LRRC42: variants seen among roughly 807,000 people sequenced by gnomAD.
LRRC42 encodes leucine-rich repeat-containing protein 42.
In LRRC42, 43 loss-of-function variants were observed where a neutral mutation model predicts 44.3. The observed-to-expected ratio is 0.97, with a 90% CI of 0.76 to 1.25. The LOEUF (loss-of-function observed/expected upper bound fraction) is 1.25. Among genes scored for constraint, LRRC42 ranks in the 50% most tolerant of loss-of-function variants. The probability of loss-of-function intolerance (pLI) is 0.00; values close to 1 mark genes in which losing one functional copy is unlikely to be tolerated. For missense variants in LRRC42, 540 were observed against 509.1 expected, an observed-to-expected ratio of 1.06 and a Z score of -0.58; for synonymous variants, 207 against 195.2, an observed-to-expected ratio of 1.06 and a Z score of -0.50.
rs1655010883 is a variant in LRRC42, at chr1:53,962,112, C to T, written c.803C>T (p.Thr268Ile). 6.2e-7 allele frequency: 1 copy of T among 1,612,964 alleles called. No homozygotes were observed. Among genetic ancestry groups the T allele is most frequent in the African/African-American group, 1.3e-5 (1 of 75,002 alleles). Residue 268 changes from threonine (T) to isoleucine (I), a missense_variant, in exon 6 of 9, where the codon ACA becomes ATA. Transcript: ENST00000371370. Reference protein sequence around the residue: ...RKLNCLDISGTGLKDIKTVKH... With the variant: ...RKLNCLDISGIGLKDIKTVKH... ...CTAAACTGCTTAGATATCTCTGGGA[C>T]AGGGCTCAAGGTAAGACTTTTGGTT...
intron 3 of LRRC42, among the ~76,000 whole-genome samples, chr1:53,954,592 C>G (rs1360228741): frequency 6.6e-6 from 1 of 152,184 alleles, no homozygotes; most frequent in Non-Finnish European, 1.5e-5. Context: ...CCATGATGAT[C>G]ATTTTCAAAT....
At chr1:53,964,905 C>T (rs901705039) in intron 7 of LRRC42, among the ~76,000 whole-genome samples, 63 of 151,938 alleles carry the variant, frequency 4.1e-4, no homozygotes, top group African/African-American at 1.5e-3. Context: ...AGGCTGGTCT[C>T]GAACTCCTGG....
intron 7 of LRRC42, among the ~76,000 whole-genome samples, chr1:53,963,321 T>C (rs1441246255): frequency 6.6e-6 from 1 of 152,222 alleles, no homozygotes; most frequent in African/African-American, 2.4e-5. Context: ...TCTAGTGCTG[T>C]ATGAGACCTA....
Position 53,962,407 on chromosome 1 carries a change from C to CAGGT in LRRC42, c.927_927+3dup. 1 of 1,596,510 alleles carries CAGGT rather than the reference C, an allele frequency of 6.3e-7. No homozygotes were observed. Among genetic ancestry groups the CAGGT allele is most frequent in the Non-Finnish European group, 8.6e-7 (1 of 1,164,264 alleles). On this transcript the variant is annotated frameshift_variant and splice_region_variant, in exon 7 of 9. Coordinates refer to ENST00000371370, the MANE Select transcript of LRRC42 (RefSeq NM_001256409.2). LOFTEE classifies it high-confidence loss of function. ...CTGCAAGACAGAGGGCTGGGCTGACCAGGTACTCCAGATTTTTCTTCCTTG... is the reference window on the plus strand; with the variant it reads ...CTGCAAGACAGAGGGCTGGGCTGACCAGGTAGGTACTCCAGATTTTTCTTCCTTG...
chr1:53,963,947 A>ACCCC (rs5774166), intron 7 of LRRC42, among the ~76,000 whole-genome samples: 1 of 82,312 alleles, frequency 1.2e-5, no homozygotes, highest in Non-Finnish European at 2.3e-5. Flanking sequence ...CCTCCTGCCC[A>ACCCC]CCCCCCCCCC....
At position 53,962,406 on chromosome 1, in the gene LRRC42, C is replaced by G; in HGVS notation, c.924C>G (p.Asp308Glu). Residue 308 changes from aspartate (D) to glutamate (E), a missense_variant, in exon 7 of 9, where the codon GAC (aspartate) becomes GAG (glutamate). Transcript: ENST00000371370. ...ACTGCAAGACAGAGGGCTGGGCTGA[C>G]CAGGTACTCCAGATTTTTCTTCCTT... ...HSNCKTEGWA[D>E]QIVLQWERVT... The G allele has an allele frequency of 6.3e-7, 1 of 1,595,688 alleles. No homozygotes were observed. Among genetic ancestry groups the G allele is most frequent in the Non-Finnish European group, 8.6e-7 (1 of 1,163,530 alleles).
chr1:53,957,113 A>G (rs1654862659), intron 3 of LRRC42, among the ~76,000 whole-genome samples: 2 of 152,164 alleles, frequency 1.3e-5, no homozygotes, highest in Non-Finnish European at 2.9e-5. Context: ...TAGGAAGAAA[A>G]GAGATTAACT....
chr1:53,948,571 G>T (rs1359648509), intron 2 of LRRC42, among the ~76,000 whole-genome samples: 2 of 152,182 alleles, frequency 1.3e-5, no homozygotes, highest in African/African-American at 4.8e-5. Flanking sequence ...CCTGTAGCAG[G>T]CTGGGAAACT....
Position 53,952,424 on chromosome 1 carries a change from C to G in LRRC42, c.425C>G (p.Thr142Ser). Residue 142 changes from threonine (T) to serine (S), a missense_variant, in exon 3 of 9, where the codon ACT (threonine) becomes AGT (serine). Coordinates refer to ENST00000371370, the MANE Select transcript of LRRC42 (RefSeq NM_001256409.2). ...GAGLRALQKFTEAYGSLVLCS... is the reference protein window; with the variant it reads ...GAGLRALQKFSEAYGSLVLCS... ...GGGCTGAGGGCTTTACAGAAATTCACTGAGGCCTATGGAAGTTTGGTGCTT... is the reference window on the plus strand; with the variant it reads ...GGGCTGAGGGCTTTACAGAAATTCAGTGAGGCCTATGGAAGTTTGGTGCTT... 1 of 1,608,598 alleles carries G rather than the reference C, an allele frequency of 6.2e-7. No homozygotes were observed. The highest frequency in any genetic ancestry group is 1.1e-5 in the South Asian group (1 of 90,998).
At chr1:53,953,096 T>C (rs879260290) in intron 3 of LRRC42, among the ~76,000 whole-genome samples, 2 of 152,244 alleles carry the variant, frequency 1.3e-5, no homozygotes, top group Non-Finnish European at 2.9e-5. Context: ...AATAAAACTA[T>C]ACATGGCAAA....
chr1:53,953,980 GC>G (rs1182254745), intron 3 of LRRC42, among the ~76,000 whole-genome samples: 4 of 152,022 alleles, frequency 2.6e-5, no homozygotes, highest in African/African-American at 7.2e-5. Context: ...TGATCCACCG[GC>G]CTCAGCCTCC....
At chr1:53,961,731 A>G (rs1323681963) in intron 5 of LRRC42, among the ~76,000 whole-genome samples, 1 of 152,166 alleles carries the variant, frequency 6.6e-6, no homozygotes, top group African/African-American at 2.4e-5. Context: ...ATGTTTATGT[A>G]TGTTTTCATA....
At position 53,952,241 on chromosome 1, in the gene LRRC42, A is replaced by G. The variant is rs1319007394; in HGVS notation, c.242A>G (p.Asn81Ser). 8 of 1,614,220 alleles carry G rather than the reference A, an allele frequency of 5.0e-6. No individual in the cohort carries two copies. Among genetic ancestry groups the G allele is most frequent in the Non-Finnish European group, 6.8e-6 (8 of 1,180,030 alleles). Residue 81 changes from asparagine to serine, a missense_variant, in exon 3 of 9, where the codon AAT (asparagine) becomes AGT (serine). By Grantham distance (46) the Asn-to-Ser change is conservative. Coordinates refer to ENST00000371370, the MANE Select transcript of LRRC42 (RefSeq NM_001256409.2). ...ATCTTCACATACACCCGAGAGGGGA[A>G]TCTTCGGTACTCCGCCAAATCCCTC... ...HFIFTYTREG[N>S]LRYSAKSLFS...
chr1:53,958,786 G>C (rs1009405968), intron 4 of LRRC42, among the ~76,000 whole-genome samples: 1 of 151,972 alleles, frequency 6.6e-6, no homozygotes, highest in Non-Finnish European at 1.5e-5. Context: ...GGGTTTCTCC[G>C]TGTTGGTCAG....
intron 7 of LRRC42, among the ~76,000 whole-genome samples, chr1:53,963,926 A>C (rs1655058196): frequency 6.7e-6 from 1 of 148,470 alleles, no homozygotes; most frequent in Admixed American, 6.8e-5. Context: ...ATTTACTAAT[A>C]ATTATTTTCC....
At chr1:53,948,531 A>G (rs1466804099) in intron 2 of LRRC42, among the ~76,000 whole-genome samples, 1 of 152,190 alleles carries the variant, frequency 6.6e-6, no homozygotes, top group Non-Finnish European at 1.5e-5. Flanking sequence ...ATATTTTTCT[A>G]TGCTGTCGTA....
At position 53,960,439 on chromosome 1, in the gene LRRC42, G is replaced by A. The variant is rs1429069208; in HGVS notation, c.689G>A (p.Arg230Lys). Residue 230 changes from arginine (R) to lysine (K), a missense_variant, in exon 5 of 9, where the codon AGA becomes AAA. Transcript: ENST00000371370. ...ACAGCACCAGTTCGAGTGATGAAAA[G>A]AGGCCTTGAGAATCTAACATTATTA... ...KMTAPVRVMK[R>K]GLENLTLLDL... is the part of the protein sequence containing the mutation. 1 of 1,613,468 alleles carries A rather than the reference G, an allele frequency of 6.2e-7. No homozygotes were observed. The highest frequency in any genetic ancestry group is 8.5e-7 in the Non-Finnish European group (1 of 1,179,688).
At chr1:53,953,941 C>T (rs1654762538) in intron 3 of LRRC42, among the ~76,000 whole-genome samples, 1 of 151,954 alleles carries the variant, frequency 6.6e-6, no homozygotes, top group South Asian at 2.1e-4. Context: ...CCACGTTGGC[C>T]AGGCTTATCT....
Position 53,968,000 on chromosome 1 carries a change from T to G in LRRC42, c.*61T>G. The G allele has an allele frequency of 6.6e-7, 1 of 1,526,146 alleles. No individual in the cohort carries two copies. The highest frequency in any genetic ancestry group is 1.3e-5 in the South Asian group (1 of 79,474). 94.5% of individuals were successfully genotyped at this position (1,526,146 alleles called of 1,614,324 possible). A position where few individuals can be genotyped will look rare whatever the true frequency, so the allele number is the denominator to read the frequency against. On this transcript the variant is annotated 3_prime_UTR_variant, in exon 9 of 9. Coordinates refer to ENST00000371370, the MANE Select transcript of LRRC42 (RefSeq NM_001256409.2). ...GCTCTAGTGTTTGAGTAAAGGAGAC[T>G]GAGGATGATTTACTTTTTGTTTGAA...
Sources: allele counts gnomAD v4.1 joint callset (sites outside exome capture counted in the v4.1 genomes callset), GRCh38; gene constraint gnomAD v4.1.1; transcripts MANE v1.5; gene names NCBI Gene and HGNC (gene_info 2026-07-23, HGNC 2026-07-21).